The following STAG2 variants were observed in gnomAD, a reference collection of about 807,000 sequenced individuals.
The protein encoded by STAG2 is STAG2 cohesin complex component, also known as cohesin subunit SA-2.
STAG2 carries 14 observed loss-of-function variants against 108.1 expected under a neutral mutation model. That is an observed-to-expected ratio of 0.13 (90% CI 0.09 to 0.20). STAG2 has a LOEUF of 0.20. Among genes scored for constraint, STAG2 ranks in the 10% least tolerant of loss-of-function variants. STAG2 has a pLI of 1.00. For synonymous variants in STAG2, 307 were observed against 302.7 expected, an observed-to-expected ratio of 1.01 and a Z score of -0.15; for missense variants, 440 against 940.9, an observed-to-expected ratio of 0.47 and a Z score of 6.96.
At chrX:124,045,978 C>A (rs1028783815) in intron 8 of STAG2, among the ~76,000 whole-genome samples, 1 of 110,398 alleles carries the variant, frequency 9.1e-6, no homozygotes, top group African/African-American at 3.3e-5. Flanking sequence ...TAGGCTGGGG[C>A]AAATTCTTTG....
intron 1 of STAG2, among the ~76,000 whole-genome samples, chrX:123,990,073 A>G (rs1360158139): frequency 8.9e-6 from 1 of 112,001 alleles, no homozygotes; most frequent in East Asian, 2.8e-4. Flanking sequence ...AAAGCAAGGA[A>G]AGAATGAAGC....
intron 15 of STAG2, among the ~76,000 whole-genome samples, chrX:124,060,837 T>C (rs1261007721): frequency 1.8e-5 from 2 of 108,457 alleles, no homozygotes; most frequent in Admixed American, 1.0e-4. Context: ...GGCAGGTGAA[T>C]CATTTGAACC....
At chrX:124,039,010 A>G (rs970142692) in intron 6 of STAG2, among the ~76,000 whole-genome samples, 1 of 110,341 alleles carries the variant, frequency 9.1e-6, no homozygotes, top group African/African-American at 3.3e-5. Context: ...TTGTTGTGTC[A>G]TATAATCAAG....
At chrX:124,069,145 C>G (rs2058606823) in intron 24 of STAG2, among the ~76,000 whole-genome samples, 1 of 111,812 alleles carries the variant, frequency 8.9e-6, no homozygotes, top group East Asian at 2.8e-4. Context: ...AACGCGTATG[C>G]CTTCATGCTT....
At chrX:124,063,267 C>T (rs1041547776) in intron 19 of STAG2, 62 bp downstream of exon 19, 13 of 848,140 alleles carry the variant, frequency 1.5e-5, no homozygotes, top group South Asian at 8.0e-5. Context: ...TATATCATAG[C>T]GTTTGTTTAT....
intron 34 of STAG2, among the ~76,000 whole-genome samples, chrX:124,100,146 A>AT (rs1255765018): frequency 1.8e-5 from 2 of 111,288 alleles, no homozygotes; most frequent in African/African-American, 3.3e-5. Context: ...TTTTTGAAAA[A>AT]CCATATCCAC....
In STAG2 at chrX:124,045,951, A is replaced by T. The variant is rs182743702; in HGVS notation, c.667+583A>T. Among the ~76,000 whole-genome samples the T allele has an allele frequency of 5.9e-4, 65 of 110,265 alleles. 1 individual carries two copies. The highest frequency in any genetic ancestry group is 2.0e-3 in the African/African-American group (62 of 30,414). ...ACACTGCAAAAAATTGATTTTTCTTATGTTTCTGGGTAACTTTAGGCTGGG... is the reference window on the plus strand; with the variant it reads ...ACACTGCAAAAAATTGATTTTTCTTTTGTTTCTGGGTAACTTTAGGCTGGG... On this transcript the variant is annotated intron_variant, in intron 8 of 34. Coordinates refer to ENST00000371145, the MANE Select transcript of STAG2 (RefSeq NM_001042750.2).
intron 1 of STAG2, among the ~76,000 whole-genome samples, chrX:123,971,961 A>G (rs2054367921): frequency 1.8e-5 from 2 of 112,177 alleles, no homozygotes; most frequent in Admixed American, 1.9e-4. Context: ...TTCATAAAAA[A>G]TATCCCTCTT....
intron 1 of STAG2, among the ~76,000 whole-genome samples, chrX:123,994,142 T>C (rs1000979189): frequency 9.0e-6 from 1 of 111,728 alleles, no homozygotes; most frequent in African/African-American, 3.3e-5. Flanking sequence ...CAAAACATGG[T>C]AGATAAGGTC....
At chrX:124,006,980 A>G (rs1238045015) in intron 1 of STAG2, among the ~76,000 whole-genome samples, 2 of 111,237 alleles carry the variant, frequency 1.8e-5, no homozygotes, top group African/African-American at 6.5e-5. Flanking sequence ...GAAGTATTGT[A>G]TGAAGTTTAA....
intron 29 of STAG2, 49 bp downstream of exon 29, chrX:124,083,598 A>T (rs2059018168): frequency 9.7e-7 from 1 of 1,034,479 alleles, no homozygotes; most frequent in African/African-American, 1.9e-5. Flanking sequence ...TGGGATTCTT[A>T]AGGGCAATTT....
intron 1 of STAG2, among the ~76,000 whole-genome samples, chrX:123,967,165 G>A (rs1223853361): frequency 1.8e-5 from 2 of 110,129 alleles, no homozygotes; most frequent in South Asian, 3.9e-4. Flanking sequence ...GATTACAGGC[G>A]GAGCCACCGT....
At chrX:123,974,448 A>G (rs1421649140) in intron 1 of STAG2, among the ~76,000 whole-genome samples, 3 of 106,261 alleles carry the variant, frequency 2.8e-5, no homozygotes, top group Non-Finnish European at 5.8e-5. Flanking sequence ...CTTGTATCGA[A>G]CTCCTGAGCT....
intron 4 of STAG2, among the ~76,000 whole-genome samples, chrX:124,028,816 A>T (rs1355501504): frequency 1.2e-5 from 1 of 81,765 alleles, no homozygotes; most frequent in African/African-American, 5.5e-5. Context: ...ATATATATAT[A>T]TATATATTTT....
chrX:124,049,183 T>C (rs748059549), intron 10 of STAG2, 105 bp downstream of exon 10: 20 of 621,500 alleles, frequency 3.2e-5, no homozygotes, highest in South Asian at 5.9e-5. Flanking sequence ...AAGAATGTTA[T>C]AGTAAAATCA....
chrX:124,062,857 G>A (rs2058422813), intron 17 of STAG2, 45 bp from the exon 18 acceptor site: 1 of 1,044,260 alleles, frequency 9.6e-7, no homozygotes, highest in Non-Finnish European at 1.3e-6. Flanking sequence ...ACACTTAACA[G>A]TGCTAATGGG....
chrX:124,016,073 A>G (rs1335183371), intron 1 of STAG2, among the ~76,000 whole-genome samples: 1 of 112,359 alleles, frequency 8.9e-6, no homozygotes, highest in Non-Finnish European at 1.9e-5. Flanking sequence ...ATATGATTAT[A>G]AACATGAAAT....
rs747070465 is a variant in STAG2, at chrX:123,976,644, G to A, written c.-163+14788G>A. ...TGGTTTTACATTAATGATAAAGTTTGTATCGACAGGATACCACTTACAGCA... is the reference window on the plus strand; with the variant it reads ...TGGTTTTACATTAATGATAAAGTTTATATCGACAGGATACCACTTACAGCA... On this transcript the variant is annotated intron_variant, in intron 1 of 34. Transcript: ENST00000371145. Among the ~76,000 whole-genome samples the A allele has an allele frequency of 3.6e-5, 4 of 111,772 alleles. No individual in the cohort carries two copies. The East Asian group carries it at 1.1e-3, about 32-fold the overall frequency.
chrX:123,963,022 A>G (rs1057505853), intron 1 of STAG2: 3 of 111,911 alleles, frequency 2.7e-5, no homozygotes, highest in Non-Finnish European at 5.6e-5. Context: ...AAGAGGAATC[A>G]TCGAGGTTTC....
Sources: allele counts gnomAD v4.1 joint callset (sites outside exome capture counted in the v4.1 genomes callset), GRCh38; gene constraint gnomAD v4.1.1; transcripts MANE v1.5; gene names NCBI Gene and HGNC (gene_info 2026-07-23, HGNC 2026-07-21).